The following POMZP3 variants were observed in gnomAD, a reference collection of about 807,000 sequenced individuals.
POMZP3 encodes the protein POM121 and ZP3 fusion.
In POMZP3, 10 loss-of-function variants were observed where a neutral mutation model predicts 19.8. The ratio of observed to expected loss-of-function variants is 0.51; its 90% CI spans 0.31 to 0.86. POMZP3 has a LOEUF of 0.86. Among genes scored for constraint, POMZP3 ranks in the 40% least tolerant of loss-of-function variants. POMZP3 has a pLI of 0.04. For synonymous variants in POMZP3, 57 were observed against 85.8 expected, an observed-to-expected ratio of 0.66 and a Z score of 1.85; for missense variants, 152 against 228.1, an observed-to-expected ratio of 0.67 and a Z score of 2.15.
intron 3 of POMZP3, among the ~76,000 whole-genome samples, chr7:76,622,919 G>A (rs1754224): frequency 2.7e-5 from 4 of 150,454 alleles, no homozygotes; most frequent in Non-Finnish European, 5.9e-5. Context: ...TTGCCCTGGC[G>A]AGAGTGCAGT....
At position 76,626,102 on chromosome 7, in the gene POMZP3, T is replaced by C; in HGVS notation, c.-38A>G. The C allele has an allele frequency of 3.1e-6, 5 of 1,613,740 alleles. No individual in the cohort carries two copies. Among genetic ancestry groups the C allele is most frequent in the Non-Finnish European group, 3.4e-6 (4 of 1,179,728 alleles). On this transcript the variant is annotated 5_prime_UTR_variant, in exon 2 of 7. Transcript: ENST00000310842. Reference sequence around the variant, plus strand: ...AGGGGACAGCACAGCCTTCTTGTGATAACCATTCCAGCACACTGTGGGAAG... The same window carrying C: ...AGGGGACAGCACAGCCTTCTTGTGACAACCATTCCAGCACACTGTGGGAAG...
At position 76,619,387 on chromosome 7, in the gene POMZP3, T is replaced by TTAAAA. The variant is rs66520553; in HGVS notation, c.228-1092_228-1088dup. Among the ~76,000 whole-genome samples the TTAAAA allele has an allele frequency of 2.0e-4, 29 of 147,536 alleles. 1 individual carries two copies. Among genetic ancestry groups the TTAAAA allele is most frequent in the East Asian group, 1.0e-3 (5 of 4,920 alleles). ...TGGGCAACAGAGTGAGACTCTGTCTTTAAAATAAAATAAAATAAAATAAAA... is the reference window on the plus strand; with the variant it reads ...TGGGCAACAGAGTGAGACTCTGTCTTTAAAATAAAATAAAATAAAATAAAATAAAA... On this transcript the variant is annotated intron_variant, in intron 3 of 6. Transcript: ENST00000310842.
At position 76,623,846 on chromosome 7, in the gene POMZP3, G is replaced by A. The variant is rs1388099424; in HGVS notation, c.227+1676C>T. The stretch of plus-strand genomic sequence containing the variant: ...AGAGAGAGAAAGAAAAGCAAAGCAC[G>A]CTTGGTGACCGTGCTAGGTTTTTTG... On this transcript the variant is annotated intron_variant, in intron 3 of 6. Transcript: ENST00000310842. Among the ~76,000 whole-genome samples the A allele has an allele frequency of 2.0e-5, 3 of 151,952 alleles. No individual in the cohort carries two copies. In the East Asian group the frequency reaches 5.8e-4, roughly 29 times the overall value.
At chr7:76,623,860 C>G (rs1432825824) in intron 3 of POMZP3, among the ~76,000 whole-genome samples, 5 of 151,228 alleles carry the variant, frequency 3.3e-5, no homozygotes, top group South Asian at 2.1e-4. Flanking sequence ...GGTGACCGTG[C>G]TAGGTTTTTT....
intron 4 of POMZP3, among the ~76,000 whole-genome samples, chr7:76,615,952 C>A (rs1815263942): frequency 1.8e-5 from 1 of 55,670 alleles, no homozygotes. Context: ...TGTACTCCAG[C>A]CTGGGTGACA....
chr7:76,610,590 T>C (rs2116841342), intron 6 of POMZP3, among the ~76,000 whole-genome samples: 1 of 151,938 alleles, frequency 6.6e-6, no homozygotes, highest in East Asian at 1.9e-4. Context: ...AGGCAGAGGT[T>C]TCAGTGAGCA....
chr7:76,625,880 A>T, intron 2 of POMZP3, 120 bp downstream of exon 2: 1 of 1,478,874 alleles, frequency 6.8e-7, no homozygotes, highest in Non-Finnish European at 9.2e-7. Flanking sequence ...GGTATTTCTC[A>T]TTCAAACAAG....
At chr7:76,620,490 T>TG (rs1563803249) in intron 3 of POMZP3, among the ~76,000 whole-genome samples, 1 of 150,916 alleles carries the variant, frequency 6.6e-6, no homozygotes. Flanking sequence ...GTTTTTGAGA[T>TG]GGAGTTTCAC....
At chr7:76,610,757 G>C (rs1382258044) in intron 6 of POMZP3, among the ~76,000 whole-genome samples, 6 of 148,742 alleles carry the variant, frequency 4.0e-5, no homozygotes, top group Non-Finnish European at 9.0e-5. Flanking sequence ...TGTAGAGACA[G>C]GGTCTTGCTA....
chr7:76,614,386 A>T (rs1475028041), intron 4 of POMZP3, among the ~76,000 whole-genome samples: 1 of 66,388 alleles, frequency 1.5e-5, no homozygotes, highest in Non-Finnish European at 2.8e-5. Context: ...CATCTCTACT[A>T]AAAAAAAAAA....
At chr7:76,613,529 A>G in intron 4 of POMZP3, among the ~76,000 whole-genome samples, 1 of 42,156 alleles carries the variant, frequency 2.4e-5, no homozygotes, top group Admixed American at 3.3e-4. Context: ...TTTTTTTCTG[A>G]GACGGAGTCT....
In POMZP3 at chr7:76,625,879, C is replaced by T. The variant is rs1188539264; in HGVS notation, c.65+121G>A. The stretch of plus-strand genomic sequence containing the variant: ...GGTTTTACTAGAATTTGGTATTTCT[C>T]ATTCAAACAAGCAGATTCGTCCTTT... On this transcript the variant is annotated intron_variant, in intron 2 of 6. Transcript: ENST00000310842. 42 of 1,470,728 alleles carry T rather than the reference C, an allele frequency of 2.9e-5. 1 individual carries two copies. The African/African-American group carries it at 5.9e-4, about 21-fold the overall frequency. The allele number at this position is 1,470,728 out of a possible 1,614,324, so 91.1% of individuals were successfully genotyped here.
In POMZP3 at chr7:76,626,960, G is replaced by C; in HGVS notation, c.-404C>G. ...CCTTCGAGCAGGGTCCGCGGCTCTA[G>C]GAGGTTTCCGTTGGCTGTCGACTTG... On this transcript the variant is annotated 5_prime_UTR_variant, in exon 1 of 7. Coordinates refer to ENST00000310842, the MANE Select transcript of POMZP3 (RefSeq NM_012230.5). The C allele has an allele frequency of 2.1e-6, 3 of 1,404,784 alleles. No individual in the cohort carries two copies. Among genetic ancestry groups the C allele is most frequent in the South Asian group, 2.9e-5 (2 of 69,610 alleles). The allele number at this position is 1,404,784 out of a possible 1,614,324, so 87.0% of individuals were successfully genotyped here.
At chr7:76,621,462 T>G (rs1815555979) in intron 3 of POMZP3, 1 of 150,414 alleles carries the variant, frequency 6.6e-6, no homozygotes, top group Non-Finnish European at 1.5e-5. Context: ...GTTATTATTT[T>G]TTTTTAACTT....
chr7:76,621,641 A>G (rs1241350280), intron 3 of POMZP3, among the ~76,000 whole-genome samples: 15 of 151,686 alleles, frequency 9.9e-5, no homozygotes, highest in Non-Finnish European at 2.1e-4. Context: ...CCTTGCTGAT[A>G]AAACAGGTTG....
At chr7:76,613,507 C>CT (rs1193493149) in intron 4 of POMZP3, among the ~76,000 whole-genome samples, 2,247 of 67,172 alleles carry the variant, frequency 0.033, 478 homozygotes, top group Middle Eastern at 0.071. Flanking sequence ...CCCCCCTACC[C>CT]TTTTTTTTTT....
chr7:76,621,605 T>C (rs919892338), intron 3 of POMZP3, among the ~76,000 whole-genome samples: 2 of 151,350 alleles, frequency 1.3e-5, no homozygotes, highest in African/African-American at 4.9e-5. Flanking sequence ...AGATGGGAGG[T>C]TGGCACAAGA....
chr7:76,613,506 C>CTTTTTTT (rs1419122666), intron 4 of POMZP3, among the ~76,000 whole-genome samples: 2 of 77,690 alleles, frequency 2.6e-5, no homozygotes, highest in African/African-American at 1.3e-4. Context: ...GCCCCCCTAC[C>CTTTTTTT]CTTTTTTTTT....
chr7:76,625,514 C>G lies in POMZP3; in HGVS notation c.227+8G>C, dbSNP rs561709953. ...GAAACTGGCTTAGTACTCTCCTGAGCCTGTTACCTTCTTTTATTTTCCTGG... is the reference window on the plus strand; with the variant it reads ...GAAACTGGCTTAGTACTCTCCTGAGGCTGTTACCTTCTTTTATTTTCCTGG... On this transcript the variant is annotated splice_region_variant and intron_variant, in intron 3 of 6. Coordinates refer to ENST00000310842, the MANE Select transcript of POMZP3 (RefSeq NM_012230.5). 6.2e-7 allele frequency: 1 copy of G among 1,612,854 alleles called. No homozygotes were observed. Among genetic ancestry groups the G allele is most frequent in the South Asian group, 1.1e-5 (1 of 91,030 alleles).
Sources: allele counts gnomAD v4.1 joint callset (sites outside exome capture counted in the v4.1 genomes callset), GRCh38; gene constraint gnomAD v4.1.1; transcripts MANE v1.5; gene names NCBI Gene and HGNC (gene_info 2026-07-23, HGNC 2026-07-21).